Variants in NTRK2 observed in about 807,000 individuals in gnomAD.
NTRK2 encodes BDNF/NT-3 growth factors receptor.
Under a neutral mutation model 94.5 loss-of-function variants are expected in NTRK2, and 13 were observed. That is an observed-to-expected ratio of 0.14 (90% confidence interval 0.09 to 0.22). The LOEUF (loss-of-function observed/expected upper bound fraction) is 0.22, where lower values mean the gene tolerates loss of function less well. NTRK2 is among the 10% of genes least tolerant of loss of function. NTRK2 has a pLI of 1.00. For synonymous variants in NTRK2, 372 were observed against 407.4 expected (o/e 0.91, Z 1.05); for missense variants, 639 against 1,071.2 (o/e 0.60, Z 5.63).
chr9:84,911,073 A>C (rs1174161519), intron 14 of NTRK2, among the ~76,000 whole-genome samples: 1 of 152,192 alleles, frequency 6.6e-6, no homozygotes, highest in African/African-American at 2.4e-5. Context: ...TTCTTTAATC[A>C]GTATTGTAGT....
chr9:84,837,534 T>A (rs2073948118), intron 12 of NTRK2, among the ~76,000 whole-genome samples: 1 of 152,216 alleles, frequency 6.6e-6, no homozygotes, highest in South Asian at 2.1e-4. Context: ...AGACCCTCAA[T>A]GAATGTTAGC....
chr9:84,882,275 G>C (rs928072931), intron 14 of NTRK2, among the ~76,000 whole-genome samples: 3 of 152,088 alleles, frequency 2.0e-5, no homozygotes, highest in Non-Finnish European at 4.4e-5. Flanking sequence ...CTGATGAGAT[G>C]GGTATCTGCA....
intron 16 of NTRK2, among the ~76,000 whole-genome samples, chr9:84,954,234 C>G (rs1017392119): frequency 2.0e-5 from 3 of 152,224 alleles, no homozygotes; most frequent in Admixed American, 1.3e-4. Context: ...CAGCAAACCC[C>G]GCCTTTATTC....
Position 84,868,188 on chromosome 9 carries a change from G to A in NTRK2, c.1633+757G>A, listed in dbSNP as rs143363173. Among the ~76,000 whole-genome samples, 762 of 152,246 alleles carry A rather than the reference G, an allele frequency of 5.0e-3. 7 individuals carry two copies. The highest frequency in any genetic ancestry group is 8.6e-3 in the Admixed American group (131 of 15,290). On this transcript the variant is annotated intron_variant, in intron 14 of 18. Transcript: ENST00000277120. ...ATTGCTTCCAGGCCTTCCTTCATATGTGAATAAGGGGCCGTGAGGGCTATG... is the reference window on the plus strand; with the variant it reads ...ATTGCTTCCAGGCCTTCCTTCATATATGAATAAGGGGCCGTGAGGGCTATG...
intron 12 of NTRK2, among the ~76,000 whole-genome samples, chr9:84,753,614 G>T (rs1395036781): frequency 6.6e-6 from 1 of 152,124 alleles, no homozygotes; most frequent in East Asian, 1.9e-4. Flanking sequence ...CACACATTTT[G>T]GGATCCCCAT....
chr9:84,998,423 A>G (rs1830002099), intron 17 of NTRK2, among the ~76,000 whole-genome samples: 1 of 152,098 alleles, frequency 6.6e-6, no homozygotes, highest in Non-Finnish European at 1.5e-5. Context: ...GCCCAACCCT[A>G]CACCCACCTG....
chr9:84,816,556 G>A (rs866146391), intron 12 of NTRK2, among the ~76,000 whole-genome samples: 86 of 152,016 alleles, frequency 5.7e-4, no homozygotes, highest in Middle Eastern at 6.8e-3. Flanking sequence ...TGAGGCGGGC[G>A]GATCATGAGG....
At chr9:84,747,602 C>T (rs767926959) in intron 11 of NTRK2, among the ~76,000 whole-genome samples, 4 of 151,824 alleles carry the variant, frequency 2.6e-5, no homozygotes, top group Non-Finnish European at 4.4e-5. Flanking sequence ...CTCAGCCTCC[C>T]GAGTAGCTGG....
chr9:84,955,816 A>G (rs940561614), intron 17 of NTRK2, among the ~76,000 whole-genome samples: 1 of 152,176 alleles, frequency 6.6e-6, no homozygotes, highest in Non-Finnish European at 1.5e-5. Context: ...TAAGGACACC[A>G]GTCAGATTGG....
intron 10 of NTRK2, 55 bp downstream of exon 10, chr9:84,741,982 G>A: frequency 6.9e-7 from 1 of 1,456,202 alleles, no homozygotes; most frequent in Non-Finnish European, 9.6e-7. Context: ...TGTGTATCAT[G>A]AAGTAAATCA....
chr9:84,997,213 T>G lies in NTRK2; in HGVS notation c.2173-22993T>G, dbSNP rs117730133. Among the ~76,000 whole-genome samples, 614 of 152,266 alleles carry G rather than the reference T, an allele frequency of 4.0e-3. 2 individuals are homozygous for G. Among genetic ancestry groups the G allele is most frequent in the Admixed American group, 7.3e-3 (112 of 15,298 alleles). ...TATAGGGTTGGGCAGGAGCTGGGAT[T>G]TAGACCTGGGCAGGTGCAGCTAGCG... On this transcript the variant is annotated intron_variant, in intron 17 of 18. Coordinates refer to ENST00000277120, the MANE Select transcript of NTRK2 (RefSeq NM_006180.6).
chr9:84,732,410 G>C (rs1010654263), intron 9 of NTRK2, among the ~76,000 whole-genome samples: 2 of 152,134 alleles, frequency 1.3e-5, no homozygotes, highest in Admixed American at 1.3e-4. Flanking sequence ...GATGGGAGTT[G>C]GGCTTTGGCT....
At chr9:84,892,912 A>G (rs1251810480) in intron 14 of NTRK2, among the ~76,000 whole-genome samples, 2 of 149,608 alleles carry the variant, frequency 1.3e-5, no homozygotes, top group Non-Finnish European at 2.9e-5. Flanking sequence ...ACAAGAGCGA[A>G]ACTCCATCTC....
At chr9:84,708,049 C>T (rs999044093) in intron 5 of NTRK2, 137 bp downstream of exon 5, 2 of 706,638 alleles carry the variant, frequency 2.8e-6, no homozygotes, top group Non-Finnish European at 5.0e-6. Context: ...AAGTTTCAGT[C>T]TCTCAGTCTT....
chr9:84,705,701 A>C (rs536269119), intron 4 of NTRK2, among the ~76,000 whole-genome samples: 1 of 152,104 alleles, frequency 6.6e-6, no homozygotes, highest in East Asian at 1.9e-4. Flanking sequence ...CTTCTGATGA[A>C]GATGAAAGCA....
intron 14 of NTRK2, among the ~76,000 whole-genome samples, chr9:84,870,293 T>G (rs1424821474): frequency 7.6e-6 from 1 of 131,922 alleles, no homozygotes; most frequent in African/African-American, 2.9e-5. Context: ...TACATATACA[T>G]ATACATGTAC....
At chr9:84,716,782 G>A (rs1035007144) in intron 6 of NTRK2, among the ~76,000 whole-genome samples, 4 of 152,178 alleles carry the variant, frequency 2.6e-5, no homozygotes, top group African/African-American at 9.7e-5. Context: ...GTCAACTGCT[G>A]TTTAAATTTT....
In NTRK2 at chr9:84,729,798, G is replaced by C. The variant is rs77324514; in HGVS notation, c.1159+1839G>C. Among the ~76,000 whole-genome samples, 612 of 152,326 alleles carry C rather than the reference G, an allele frequency of 4.0e-3. 9 individuals carry two copies. The highest frequency in any genetic ancestry group is 0.014 in the African/African-American group (585 of 41,572). On this transcript the variant is annotated intron_variant, in intron 9 of 18. Coordinates refer to ENST00000277120, the MANE Select transcript of NTRK2 (RefSeq NM_006180.6). ...AGTGAAAAGCTGTCAGAAGTGGTCT[G>C]AGTCTTTTGATATCAATGCACAGTA...
chr9:84,709,568 C>T (rs2061306892), intron 5 of NTRK2, among the ~76,000 whole-genome samples: 1 of 152,118 alleles, frequency 6.6e-6, no homozygotes, highest in African/African-American at 2.4e-5. Flanking sequence ...GGAAAAGTCT[C>T]CAGGGATCCC....
Sources: gnomAD v4.1 joint callset for allele counts (sites outside exome capture counted in the v4.1 genomes callset) on GRCh38, gnomAD v4.1.1 for gene constraint, MANE v1.5 for transcripts, NCBI Gene and HGNC (gene_info 2026-07-23, HGNC 2026-07-21) for gene names.